ITGA7: variants seen among roughly 807,000 people sequenced by gnomAD.
The protein encoded by ITGA7 is integrin subunit alpha 7, also known as integrin alpha-7.
A neutral mutation model predicts 131.6 loss-of-function variants in ITGA7; 84 were observed. That is an observed-to-expected ratio of 0.64 (90% confidence interval 0.54 to 0.77). The LOEUF (loss-of-function observed/expected upper bound fraction) is 0.77, where lower values mean the gene tolerates loss of function less well. Among genes scored for constraint, ITGA7 ranks in the 30% least tolerant of loss-of-function variants. ITGA7 has a pLI of 0.00. For missense variants in ITGA7, 1,399 were observed against 1,482.9 expected, an observed-to-expected ratio of 0.94 and a Z score of 0.93; for synonymous variants, 548 against 600.7, an observed-to-expected ratio of 0.91 and a Z score of 1.28.
Position 55,685,184 on chromosome 12 carries a change from C to T in ITGA7, c.3288G>A (p.Thr1096=), listed in dbSNP as rs747147969. ...CCCAGTTGTTCCTCAGGATGGTGCC[C>T]GTCTTCTCCTCCTTGAACTGCTGTC... ...EDRQQFKEEK[T]GTILRNNWGS... Residue 1096 remains threonine, a synonymous_variant, in exon 25 of 25, where the codon ACG becomes ACA. Coordinates refer to ENST00000257879, the MANE Select transcript of ITGA7 (RefSeq NM_002206.3). 3 of 1,614,158 alleles carry T rather than the reference C, an allele frequency of 1.9e-6. No homozygotes were observed. The highest frequency in any genetic ancestry group is 2.5e-6 in the Non-Finnish European group (3 of 1,180,028).
At chr12:55,704,952 T>C (rs1874862065) in intron 1 of ITGA7, among the ~76,000 whole-genome samples, 1 of 152,170 alleles carries the variant, frequency 6.6e-6, no homozygotes, top group Non-Finnish European at 1.5e-5. Flanking sequence ...TCTCTCTGAG[T>C]GTCGGGGCTG....
chr12:55,697,108 A>G (rs1484382413), intron 11 of ITGA7, 40 bp from the exon 12 acceptor site: 1 of 1,600,838 alleles, frequency 6.2e-7, no homozygotes, highest in Admixed American at 1.7e-5. Context: ...TGAGCTGCAG[A>G]GCTGCTCCAG....
chr12:55,686,715 T>C lies in ITGA7; in HGVS notation c.3183+1256A>G, dbSNP rs529296413. Among the ~76,000 whole-genome samples, 9 of 152,340 alleles carry C rather than the reference T, an allele frequency of 5.9e-5. No homozygotes were observed. In the East Asian group the frequency reaches 1.2e-3, roughly 20 times the overall value. ...ACGTGTGCATGTGCATACTTTTACA[T>C]TGAGCCCTGGATACCAGTATGATTC... On this transcript the variant is annotated intron_variant, in intron 24 of 24. Transcript: ENST00000257879.
At chr12:55,695,157 A>G (rs1872365017) in intron 14 of ITGA7, 187 bp from the exon 15 acceptor site, 3 of 624,918 alleles carry the variant, frequency 4.8e-6, no homozygotes, top group African/African-American at 1.8e-5. Flanking sequence ...CTCCGTTCTC[A>G]TCTCAGCTCC....
rs1565622175 is a variant in ITGA7, at chr12:55,694,812, A to G, written c.2162T>C (p.Leu721Pro). 1 of 1,613,464 alleles carries G rather than the reference A, an allele frequency of 6.2e-7. No homozygotes were observed. Among genetic ancestry groups the G allele is most frequent in the Non-Finnish European group, 8.5e-7 (1 of 1,179,844 alleles). Residue 721 changes from leucine (L) to proline (P), a missense_variant, in exon 15 of 25, where the codon CTG (leucine) becomes CCG (proline). Transcript: ENST00000257879. The surrounding 1 kb of genome is among the most constrained non-coding windows in gnomAD (Gnocchi z 5.3). ...AQLLVMLPDSLHYSGVRALDP... is the reference protein window; with the variant it reads ...AQLLVMLPDSPHYSGVRALDP... ...CAGGGCCCGGACCCCTGAGTAGTGCAGTGAGTCAGGAAGCATGACCAGGAG... is the reference window on the plus strand; with the variant it reads ...CAGGGCCCGGACCCCTGAGTAGTGCGGTGAGTCAGGAAGCATGACCAGGAG...
intron 21 of ITGA7, among the ~76,000 whole-genome samples, chr12:55,689,894 G>A (rs547578996): frequency 3.5e-4 from 54 of 152,322 alleles, no homozygotes; most frequent in Non-Finnish European, 5.6e-4. Context: ...TTTAATAAAT[G>A]GTGCTGGGAA....
intron 1 of ITGA7, among the ~76,000 whole-genome samples, chr12:55,704,518 T>A (rs1054601464): frequency 2.6e-5 from 4 of 152,218 alleles, no homozygotes; most frequent in Non-Finnish European, 5.9e-5. Context: ...ATTCAGCACC[T>A]ACTATGACGT....
upstream of ITGA7, chr12:55,712,091 C>A (rs749092475): frequency 6.4e-7 from 1 of 1,551,502 alleles, no homozygotes; most frequent in Non-Finnish European, 8.7e-7. Context: ...CTTCTGCCTG[C>A]CTCTGAATTC....
Position 55,694,544 on chromosome 12 carries a change from A to AT in ITGA7, c.2278-23dup, listed in dbSNP as rs1872201152. 1 of 1,613,882 alleles carries AT rather than the reference A, an allele frequency of 6.2e-7. No homozygotes were observed. The highest frequency in any genetic ancestry group is 8.5e-7 in the Non-Finnish European group (1 of 1,179,754). ...TGACCTAGGCCAAGGGTGGAAAGAG[A>AT]TTAGAGTCAGGGGTGGTCTACGGGC... is the stretch of plus-strand genomic sequence containing the variant. On this transcript the variant is annotated intron_variant, in intron 16 of 24. Transcript: ENST00000257879. The surrounding 1 kb of genome is among the most constrained non-coding windows in gnomAD (Gnocchi z 5.3).
intron 7 of ITGA7, 173 bp from the exon 8 acceptor site, chr12:55,698,199 T>C (rs932291593): frequency 2.4e-6 from 2 of 827,706 alleles, no homozygotes; most frequent in Non-Finnish European, 1.9e-6. Context: ...CCTGCAGATA[T>C]TACTAACGCA....
At chr12:55,704,492 C>T (rs1446173642) in intron 1 of ITGA7, among the ~76,000 whole-genome samples, 1 of 152,154 alleles carries the variant, frequency 6.6e-6, no homozygotes, top group African/African-American at 2.4e-5. Flanking sequence ...GCTGGTGAGA[C>T]AAGGAAATCA....
Position 55,701,365 on chromosome 12 carries a change from C to T in ITGA7, c.415-211G>A, listed in dbSNP as rs367555167. The T allele has an allele frequency of 9.7e-6, 15 of 1,552,802 alleles. No homozygotes were observed. In the African/African-American group the frequency reaches 1.8e-4, roughly 18 times the overall value. On this transcript the variant is annotated intron_variant, in intron 3 of 24. Coordinates refer to ENST00000257879, the MANE Select transcript of ITGA7 (RefSeq NM_002206.3). ...ACAGGTCCATGCATAACCCAGCAAC[C>T]TGTCTGCACCCACTTCCTTGCCCTC...
upstream of ITGA7, chr12:55,712,268 A>G (rs1193756721): frequency 3.9e-6 from 6 of 1,549,848 alleles, no homozygotes; most frequent in East Asian, 1.5e-4. Flanking sequence ...AAAGGGAGCC[A>G]TTTGGACTGT....
rs776068404 is a variant in ITGA7, at chr12:55,694,549, A to G, written c.2278-27T>C. 1 of 1,613,650 alleles carries G rather than the reference A, an allele frequency of 6.2e-7. No homozygotes were observed. Among genetic ancestry groups the G allele is most frequent in the Admixed American group, 1.7e-5 (1 of 60,022 alleles). On this transcript the variant is annotated intron_variant, in intron 16 of 24. Transcript: ENST00000257879. The surrounding 1 kb of genome is among the most constrained non-coding windows in gnomAD (Gnocchi z 5.3). ...TAGGCCAAGGGTGGAAAGAGATTAG[A>G]GTCAGGGGTGGTCTACGGGCTTATG...
rs1235860204 is a variant in ITGA7 at position 55,702,880 on chromosome 12, TGCCCCCAGGCCCCTG to T, written c.391_405del (p.Gln131_Gly135del). 2 of 1,612,654 alleles carry T rather than the reference TGCCCCCAGGCCCCTG, an allele frequency of 1.2e-6. No individual in the cohort carries two copies. The highest frequency in any genetic ancestry group is 2.7e-5 in the African/African-American group (2 of 74,894). On this transcript the variant is annotated inframe_deletion, in exon 3 of 25. Transcript: ENST00000257879. ...TGAGAAGCAATACTCACAACAATCT[TGCCCCCAGGCCCCTG>T]GCTCCGAACACTGACTCCCAACCAC... is the stretch of plus-strand genomic sequence containing the variant.
chr12:55,714,287 C>T (rs1226464758), upstream of ITGA7, among the ~76,000 whole-genome samples: 4 of 151,432 alleles, frequency 2.6e-5, no homozygotes, highest in African/African-American at 2.4e-5. Flanking sequence ...CCGAGGCGGG[C>T]GGATCACGAG....
chr12:55,710,444 T>C (rs1019909232), upstream of ITGA7, among the ~76,000 whole-genome samples: 1 of 151,722 alleles, frequency 6.6e-6, no homozygotes, highest in Admixed American at 6.6e-5. Context: ...AGAGAACTTC[T>C]TGTATTTCAG....
chr12:55,700,877 C>T (rs1873852497), intron 4 of ITGA7, 22 bp downstream of exon 4: 1 of 1,614,206 alleles, frequency 6.2e-7, no homozygotes, highest in Non-Finnish European at 8.5e-7. Flanking sequence ...TCCCCTTCTC[C>T]CCTTCCCGAG....
At chr12:55,697,615 G>T (rs955528968) in intron 9 of ITGA7, 69 bp from the exon 10 acceptor site, 4 of 1,611,160 alleles carry the variant, frequency 2.5e-6, no homozygotes, top group Non-Finnish European at 3.4e-6. Flanking sequence ...TTCAGCATTA[G>T]ATTTGGCACT....
Sources: allele counts gnomAD v4.1 joint callset (sites outside exome capture counted in the v4.1 genomes callset), GRCh38; gene constraint gnomAD v4.1.1; non-coding constraint Gnocchi (gnomAD v3.1); transcripts MANE v1.5; gene names NCBI Gene and HGNC (gene_info 2026-07-23, HGNC 2026-07-21).